IMMP2L: variants seen among roughly 807,000 people sequenced by gnomAD.
IMMP2L encodes the protein mitochondrial inner membrane protease subunit 2.
In IMMP2L, 18 loss-of-function variants were observed where a neutral mutation model predicts 19.3. The observed-to-expected ratio is 0.93, with a 90% CI of 0.64 to 1.38. The LOEUF (loss-of-function observed/expected upper bound fraction) is 1.38, where lower values mean the gene tolerates loss of function less well. Ranked by LOEUF, IMMP2L falls within the 40% of genes most tolerant of loss-of-function variation. The probability of loss-of-function intolerance (pLI) is 0.00; values close to 1 mark genes in which losing one functional copy is unlikely to be tolerated. For missense variants in IMMP2L, 233 were observed against 218.2 expected, an observed-to-expected ratio of 1.07 and a Z score of -0.43; for synonymous variants, 76 against 73.0, an observed-to-expected ratio of 1.04 and a Z score of -0.21.
intron 3 of IMMP2L, among the ~76,000 whole-genome samples, chr7:111,063,914 C>A (rs1794256403): frequency 6.6e-6 from 1 of 152,194 alleles, no homozygotes; most frequent in South Asian, 2.1e-4. Context: ...TCCCACATTT[C>A]TCTGTCTTCT....
At position 110,808,427 on chromosome 7, in the gene IMMP2L, C is replaced by A. The variant is rs572006912; in HGVS notation, c.408+78166G>T. ...CAAGAGTTTATTTATTTTGGGCAGC[C>A]CTTTATGAATGAATGCAGTCACTAA... On this transcript the variant is annotated intron_variant, in intron 5 of 5. Transcript: ENST00000405709. 8.6e-5 allele frequency among the ~76,000 whole-genome samples: 13 copies of A among 152,008 alleles called. No homozygotes were observed. In the South Asian group the frequency reaches 2.1e-3, roughly 24 times the overall value.
At chr7:111,319,838 C>A (rs1824492028) in intron 3 of IMMP2L, among the ~76,000 whole-genome samples, 1 of 151,904 alleles carries the variant, frequency 6.6e-6, no homozygotes, top group Non-Finnish European at 1.5e-5. Flanking sequence ...CCAAGGCCTC[C>A]TAGGGGATAA....
At chr7:111,388,170 G>A (rs1203391325) in intron 3 of IMMP2L, among the ~76,000 whole-genome samples, 1 of 151,872 alleles carries the variant, frequency 6.6e-6, no homozygotes, top group East Asian at 1.9e-4. Flanking sequence ...GTTACCCTTG[G>A]TTAGGACTGA....
chr7:110,700,806 T>C (rs1339563028), intron 5 of IMMP2L, among the ~76,000 whole-genome samples: 2 of 152,194 alleles, frequency 1.3e-5, no homozygotes, highest in East Asian at 3.8e-4. Flanking sequence ...TAAAAGCAAA[T>C]TCAGTATTAA....
chr7:111,537,302 T>C (rs751652628), intron 1 of IMMP2L, among the ~76,000 whole-genome samples: 6 of 152,230 alleles, frequency 3.9e-5, no homozygotes, highest in Non-Finnish European at 8.8e-5. Flanking sequence ...TTATACTCTC[T>C]GGTTCTTCTA....
intron 2 of IMMP2L, among the ~76,000 whole-genome samples, chr7:111,489,122 C>A (rs774383971): frequency 2.7e-5 from 4 of 147,952 alleles, no homozygotes; most frequent in African/African-American, 1.0e-4. Context: ...CCGCTCACTG[C>A]AATCTCCGCC....
At chr7:110,793,368 C>G (rs549456803) in intron 5 of IMMP2L, among the ~76,000 whole-genome samples, 1 of 151,184 alleles carries the variant, frequency 6.6e-6, no homozygotes, top group African/African-American at 2.4e-5. Context: ...TACAGTGAGC[C>G]GAGTCCACAC....
At chr7:110,793,420 A>AAAGC (rs1800614800) in intron 5 of IMMP2L, among the ~76,000 whole-genome samples, 1 of 149,972 alleles carries the variant, frequency 6.7e-6, no homozygotes, top group Non-Finnish European at 1.5e-5. Context: ...ACTCTGTCTC[A>AAAGC]AAACAAACAA....
chr7:111,050,136 A>T (rs1792861854), intron 3 of IMMP2L, among the ~76,000 whole-genome samples: 1 of 152,228 alleles, frequency 6.6e-6, no homozygotes, highest in Admixed American at 6.5e-5. Flanking sequence ...AGTATATAAT[A>T]GGCATTCAAT....
chr7:111,515,281 C>G (rs1845786354), intron 2 of IMMP2L, among the ~76,000 whole-genome samples: 1 of 152,160 alleles, frequency 6.6e-6, no homozygotes, highest in Non-Finnish European at 1.5e-5. Flanking sequence ...ATTCAAACCT[C>G]AATTCCACAT....
intron 3 of IMMP2L, among the ~76,000 whole-genome samples, chr7:111,310,527 C>T (rs558367805): frequency 1.8e-4 from 27 of 152,162 alleles, no homozygotes; most frequent in Admixed American, 1.0e-3. Flanking sequence ...TTGCTTTAAG[C>T]ACTAATTAAC....
chr7:110,939,798 G>C (rs1463999567), intron 4 of IMMP2L, among the ~76,000 whole-genome samples: 1 of 152,086 alleles, frequency 6.6e-6, no homozygotes, highest in Non-Finnish European at 1.5e-5. Context: ...TGTTAGAAAA[G>C]CTCCCAAGTG....
At chr7:111,030,572 A>G (rs1307121756) in intron 3 of IMMP2L, among the ~76,000 whole-genome samples, 2 of 152,138 alleles carry the variant, frequency 1.3e-5, no homozygotes, top group African/African-American at 4.8e-5. Context: ...TGTAGTCCCT[A>G]AAGAAATTGC....
At chr7:111,063,289 T>G (rs1355975692) in intron 3 of IMMP2L, among the ~76,000 whole-genome samples, 1 of 152,174 alleles carries the variant, frequency 6.6e-6, no homozygotes, top group Non-Finnish European at 1.5e-5. Flanking sequence ...CTTGGCCCCT[T>G]TTAGTCATGG....
intron 4 of IMMP2L, among the ~76,000 whole-genome samples, chr7:110,952,081 C>T (rs929531456): frequency 6.6e-6 from 1 of 152,068 alleles, no homozygotes; most frequent in Non-Finnish European, 1.5e-5. Context: ...AAGCTTCTTA[C>T]TGAGATAATT....
chr7:111,501,088 G>C (rs1292167747), intron 2 of IMMP2L, among the ~76,000 whole-genome samples: 1 of 152,008 alleles, frequency 6.6e-6, no homozygotes, highest in Admixed American at 6.6e-5. Flanking sequence ...AAAATTAGAC[G>C]AATGGATACC....
At chr7:111,330,016 C>A (rs1295525747) in intron 3 of IMMP2L, among the ~76,000 whole-genome samples, 4 of 151,644 alleles carry the variant, frequency 2.6e-5, no homozygotes, top group Non-Finnish European at 5.9e-5. Context: ...AACCATAACA[C>A]TCAAAACTAA....
At chr7:111,316,108 TA>T (rs1202250356) in intron 3 of IMMP2L, among the ~76,000 whole-genome samples, 1 of 151,956 alleles carries the variant, frequency 6.6e-6, no homozygotes, top group Non-Finnish European at 1.5e-5. Flanking sequence ...TATCTAAACA[TA>T]AAAAAGGTAC....
chr7:111,438,539 C>A (rs953197918), intron 3 of IMMP2L, among the ~76,000 whole-genome samples: 4 of 151,750 alleles, frequency 2.6e-5, no homozygotes, highest in Admixed American at 1.3e-4. Context: ...GAACTGTTTC[C>A]TGGGAAATTT....
Sources: allele counts gnomAD v4.1 joint callset (sites outside exome capture counted in the v4.1 genomes callset), GRCh38; gene constraint gnomAD v4.1.1; transcripts MANE v1.5; gene names NCBI Gene and HGNC (gene_info 2026-07-23, HGNC 2026-07-21).